Variants in ARHGAP24 observed in about 807,000 individuals in gnomAD.
The protein encoded by ARHGAP24 is rho GTPase-activating protein 24.
ARHGAP24 carries 50 observed loss-of-function variants against 76.4 expected under a neutral mutation model. The observed-to-expected ratio is 0.65, with a 90% confidence interval of 0.52 to 0.83. The LOEUF (loss-of-function observed/expected upper bound fraction) is 0.83. Ranked by LOEUF, ARHGAP24 falls within the 40% of genes least tolerant of loss-of-function variation. The probability of loss-of-function intolerance (pLI) is 0.00; values close to 1 mark genes in which losing one functional copy is unlikely to be tolerated. For synonymous variants in ARHGAP24, 345 were observed against 323.3 expected (o/e 1.07, Z -0.72); for missense variants, 930 against 914.2 (o/e 1.02, Z -0.22).
intron 3 of ARHGAP24, among the ~76,000 whole-genome samples, chr4:85,874,418 G>T (rs1732708045): frequency 6.6e-6 from 1 of 152,112 alleles, no homozygotes; most frequent in African/African-American, 2.4e-5. Context: ...AGCTTAACCT[G>T]TTGAAAAGCT....
chr4:85,953,747 A>T (rs954829484), intron 5 of ARHGAP24, among the ~76,000 whole-genome samples: 1 of 152,082 alleles, frequency 6.6e-6, no homozygotes, highest in Non-Finnish European at 1.5e-5. Flanking sequence ...AGCAGGCACG[A>T]GGTCAGGGCA....
chr4:85,685,474 T>C (rs898901225), intron 2 of ARHGAP24, among the ~76,000 whole-genome samples: 2 of 151,728 alleles, frequency 1.3e-5, no homozygotes, highest in Non-Finnish European at 2.9e-5. Context: ...CTACTAAAAA[T>C]ACAAAAAAAT....
At chr4:85,632,066 C>T (rs2110013252) in intron 2 of ARHGAP24, among the ~76,000 whole-genome samples, 1 of 151,862 alleles carries the variant, frequency 6.6e-6, no homozygotes, top group South Asian at 2.1e-4. Context: ...TGTTTGTTCC[C>T]TTGATTTCCA....
intron 1 of ARHGAP24, among the ~76,000 whole-genome samples, chr4:85,485,071 G>A (rs1267691867): frequency 2.0e-5 from 3 of 151,524 alleles, no homozygotes; most frequent in South Asian, 2.1e-4. Flanking sequence ...GGGGCCAGGC[G>A]CACTGGCTCA....
At chr4:85,786,777 A>G (rs571486374) in intron 3 of ARHGAP24, among the ~76,000 whole-genome samples, 18 of 152,160 alleles carry the variant, frequency 1.2e-4, no homozygotes, top group Non-Finnish European at 2.2e-4. Flanking sequence ...TCTCATATAC[A>G]TGGCTGGCTT....
intron 3 of ARHGAP24, among the ~76,000 whole-genome samples, chr4:85,864,359 C>T (rs549189643): frequency 3.3e-5 from 5 of 151,980 alleles, no homozygotes; most frequent in East Asian, 1.9e-4. Context: ...ATGATTTTTT[C>T]GATAATAATC....
At chr4:85,567,966 G>A (rs905548822) in intron 1 of ARHGAP24, among the ~76,000 whole-genome samples, 7 of 152,064 alleles carry the variant, frequency 4.6e-5, no homozygotes, top group African/African-American at 1.4e-4. Flanking sequence ...AGCACTTTCC[G>A]ATGCATTCTG....
rs186124524 is a variant in ARHGAP24 at position 85,901,988 on chromosome 4, C to A, written c.269-21660C>A. Among the ~76,000 whole-genome samples the A allele has an allele frequency of 2.3e-4, 35 of 152,190 alleles. No individual in the cohort carries two copies. In the East Asian group the frequency reaches 5.6e-3, roughly 24 times the overall value. On this transcript the variant is annotated intron_variant, in intron 3 of 9. Transcript: ENST00000395184. ...TCTCCCTCCCCTTGCACTCCACCCC[C>A]CAACAGGCCTTGGTATGTGATGGTC... is the stretch of plus-strand genomic sequence containing the variant.
chr4:85,951,806 G>C (rs1737631247), intron 5 of ARHGAP24, among the ~76,000 whole-genome samples: 2 of 152,078 alleles, frequency 1.3e-5, no homozygotes, highest in Admixed American at 6.6e-5. Flanking sequence ...CTAGAAAGAA[G>C]TTCCCACAGG....
At chr4:85,864,502 A>T (rs1191083879) in intron 3 of ARHGAP24, among the ~76,000 whole-genome samples, 1 of 152,136 alleles carries the variant, frequency 6.6e-6, no homozygotes, top group Admixed American at 6.6e-5. Flanking sequence ...GTATCTTCTA[A>T]GAGATCCAGA....
chr4:85,822,916 TTTG>T (rs1260769027), intron 3 of ARHGAP24, among the ~76,000 whole-genome samples: 1 of 152,168 alleles, frequency 6.6e-6, no homozygotes, highest in Non-Finnish European at 1.5e-5. Context: ...CATCTAGAAT[TTTG>T]TTATGTGTAC....
intron 3 of ARHGAP24, among the ~76,000 whole-genome samples, chr4:85,865,548 A>T (rs1732149618): frequency 6.8e-6 from 1 of 147,722 alleles, no homozygotes; most frequent in South Asian, 2.1e-4. Context: ...AAGAATAATT[A>T]ATTATTATAA....
intron 2 of ARHGAP24, among the ~76,000 whole-genome samples, chr4:85,713,151 A>G (rs570194472): frequency 6.6e-6 from 1 of 152,148 alleles, no homozygotes; most frequent in East Asian, 1.9e-4. Context: ...TTTAAAAATT[A>G]GCCAGGCGTG....
chr4:85,778,642 A>G (rs187630177), intron 3 of ARHGAP24: 641 of 967,060 alleles, frequency 6.6e-4, no homozygotes, highest in Admixed American at 2.0e-3. Flanking sequence ...CAAATACTAC[A>G]TTATTTAAGG....
intron 3 of ARHGAP24, 115 bp from the exon 4 acceptor site, chr4:85,923,533 A>C: frequency 7.1e-7 from 1 of 1,417,936 alleles, no homozygotes; most frequent in South Asian, 1.2e-5. Flanking sequence ...ATCATTGGGT[A>C]GAACTTAGTG....
chr4:85,726,643 C>T (rs920753955), intron 3 of ARHGAP24, among the ~76,000 whole-genome samples: 1 of 152,146 alleles, frequency 6.6e-6, no homozygotes, highest in Non-Finnish European at 1.5e-5. Flanking sequence ...TTTGTGCCTT[C>T]AGCAACCAAT....
chr4:85,706,108 T>C (rs1332316080), intron 2 of ARHGAP24, among the ~76,000 whole-genome samples: 1 of 152,180 alleles, frequency 6.6e-6, no homozygotes, highest in African/African-American at 2.4e-5. Flanking sequence ...TATGAAGTGA[T>C]CTTCCTCAAG....
At chr4:85,695,027 A>G (rs1171671822) in intron 2 of ARHGAP24, among the ~76,000 whole-genome samples, 1 of 152,226 alleles carries the variant, frequency 6.6e-6, no homozygotes, top group Non-Finnish European at 1.5e-5. Flanking sequence ...GTTATGCATA[A>G]CACTCCAAGG....
chr4:85,974,777 C>T, intron 6 of ARHGAP24, 111 bp from the exon 7 acceptor site: 1 of 924,750 alleles, frequency 1.1e-6, no homozygotes, highest in Non-Finnish European at 1.7e-6. Flanking sequence ...AGATCTTTCA[C>T]TGATAACATG....
Sources: allele counts gnomAD v4.1 joint callset (sites outside exome capture counted in the v4.1 genomes callset), GRCh38; gene constraint gnomAD v4.1.1; transcripts MANE v1.5; gene names NCBI Gene and HGNC (gene_info 2026-07-23, HGNC 2026-07-21).